The following SALL3 variants were observed in gnomAD, a reference collection of about 807,000 sequenced individuals.
SALL3 encodes sal-like protein 3.
In SALL3, 25 loss-of-function variants were observed where a neutral mutation model predicts 66.2. That is an observed-to-expected ratio of 0.38 (90% confidence interval 0.28 to 0.53). The LOEUF is 0.53. SALL3 is among the 20% of genes least tolerant of loss of function. The pLI, the probability that SALL3 is intolerant of heterozygous loss-of-function variation, is 0.85. For synonymous variants in SALL3, 1,152 were observed against 899.1 expected (o/e 1.28, Z -5.03); for missense variants, 2,194 against 1,916.5 (o/e 1.14, Z -2.70).
At chr18:78,983,889 A>G (rs1914154294) in intron 1 of SALL3, among the ~76,000 whole-genome samples, 1 of 152,236 alleles carries the variant, frequency 6.6e-6, no homozygotes, top group African/African-American at 2.4e-5. Flanking sequence ...TAAAAACAAC[A>G]TTAAAAAACT....
intron 1 of SALL3, among the ~76,000 whole-genome samples, chr18:78,981,186 A>C (rs937468378): frequency 6.6e-6 from 1 of 152,198 alleles, no homozygotes; most frequent in African/African-American, 2.4e-5. Context: ...AAAGGGCTGG[A>C]CTTCCCAGAG....
chr18:78,994,004 C>T lies in SALL3; in HGVS notation c.2013C>T (p.Ile671=), dbSNP rs146449062. The change falls in exon 2 of 3, where the codon ATC becomes ATT. Residue 671 remains isoleucine (I), a synonymous_variant. Coordinates refer to ENST00000537592, the MANE Select transcript of SALL3 (RefSeq NM_171999.4). ...TSKLQQLVEN[I]DKKMTDPNQC... is the part of the protein sequence containing the mutation. ...AGCTGCAGCAGCTGGTGGAGAACAT[C>T]GACAAGAAGATGACGGACCCGAACC... The T allele has an allele frequency of 2.8e-5, 45 of 1,612,352 alleles. No homozygotes were observed. The Middle Eastern group carries it at 4.9e-4, about 18-fold the overall frequency.
Position 78,997,184 on chromosome 18 carries a change from C to T in SALL3, c.3765C>T (p.Ser1255=), listed in dbSNP as rs1187722738. 15 of 1,614,034 alleles carry T rather than the reference C, an allele frequency of 9.3e-6. No individual in the cohort carries two copies. Among genetic ancestry groups the T allele is most frequent in the Non-Finnish European group, 1.3e-5 (15 of 1,180,036 alleles). The change falls in exon 3 of 3, where the codon AGC becomes AGT. Residue 1255 remains serine, a synonymous_variant. Transcript: ENST00000537592. The part of the protein sequence containing the change: ...LGGSALPPLG[S]MASGMDKART... ...GCAGCGCCCTCCCCCCTCTGGGCAG[C>T]ATGGCCAGTGGGATGGACAAAGCAC...
In SALL3 at chr18:78,980,347, C is replaced by T; in HGVS notation, c.73C>T (p.Pro25Ser). 15 of 1,439,152 alleles carry T rather than the reference C, an allele frequency of 1.0e-5. No homozygotes were observed. The highest frequency in any genetic ancestry group is 1.4e-5 in the Non-Finnish European group (15 of 1,090,604). 89.1% of individuals were successfully genotyped at this position (1,439,152 alleles called of 1,614,324 possible). The stretch of plus-strand genomic sequence containing the variant: ...GGAGCTGCTGCCGCCTGACGGGGCT[C>T]CCGAGCACGGTGAGGGCCGGGGCTG... ...DEELLPPDGA[P>S]EHAAPGEGAE... The change falls in exon 1 of 3, where the codon CCC becomes TCC. Residue 25 changes from proline to serine, a missense_variant. By Grantham distance (74) the Pro-to-Ser change is moderately conservative. Coordinates refer to ENST00000537592, the MANE Select transcript of SALL3 (RefSeq NM_171999.4).
At chr18:78,986,196 C>T (rs1914240226) in intron 1 of SALL3, among the ~76,000 whole-genome samples, 2 of 152,220 alleles carry the variant, frequency 1.3e-5, no homozygotes, top group African/African-American at 4.8e-5. Context: ...CGTGTCTCCT[C>T]CCGGGTGCTT....
chr18:78,997,219 G>C lies in SALL3; in HGVS notation c.3800G>C (p.Ser1267Thr), dbSNP rs1344498494. The change falls in exon 3 of 3, where the codon AGT (serine) becomes ACT (threonine). Residue 1267 changes from serine (S) to threonine (T), a missense_variant. Physicochemically the swap from Ser to Thr is moderately conservative, Grantham distance 58. Transcript: ENST00000537592. ...GGGATGGACAAAGCACGCACTGGCAGTAGCCCACCCATCGTCAGCTTGGAC... is the reference window on the plus strand; with the variant it reads ...GGGATGGACAAAGCACGCACTGGCACTAGCCCACCCATCGTCAGCTTGGAC... Reference protein sequence around the residue: ...ASGMDKARTGSSPPIVSLDKA... With the variant: ...ASGMDKARTGTSPPIVSLDKA... The C allele has an allele frequency of 6.2e-7, 1 of 1,613,918 alleles. No homozygotes were observed. Among genetic ancestry groups the C allele is most frequent in the Non-Finnish European group, 8.5e-7 (1 of 1,180,038 alleles).
intron 1 of SALL3, among the ~76,000 whole-genome samples, chr18:78,985,713 C>T (rs977945728): frequency 3.9e-5 from 6 of 152,148 alleles, no homozygotes; most frequent in Non-Finnish European, 5.9e-5. Flanking sequence ...CCCTCTAGAG[C>T]TATTTACATG....
Position 78,998,819 on chromosome 18 carries a change from C to T in SALL3, c.*1497C>T, listed in dbSNP as rs1244417639. The T allele has an allele frequency of 6.6e-6, 1 of 152,270 alleles. No homozygotes were observed. The highest frequency in any genetic ancestry group is 1.9e-4 in the East Asian group (1 of 5,202). 9.4% of individuals were successfully genotyped at this position (152,270 alleles called of 1,614,324 possible). On this transcript the variant is annotated 3_prime_UTR_variant, in exon 3 of 3. Coordinates refer to ENST00000537592, the MANE Select transcript of SALL3 (RefSeq NM_171999.4). Reference sequence around the variant, plus strand: ...GTCCTCTGATTTTTCAGAACACAGCCTGACGCTGATGGCTGAGCTGCATCC... The same window carrying T: ...GTCCTCTGATTTTTCAGAACACAGCTTGACGCTGATGGCTGAGCTGCATCC...
Position 78,993,876 on chromosome 18 carries a change from A to C in SALL3, c.1885A>C (p.Thr629Pro). ...ACCCACATCGGTGGACGGCGCACCC[A>C]CGAGCCTCGGCAGCCCCGGGCTGCC... ...AAPTSVDGAP[T>P]SLGSPGLPAV... Residue 629 changes from threonine (T) to proline (P), a missense_variant, in exon 2 of 3, where the codon ACG becomes CCG. By Grantham distance (38) the Thr-to-Pro change is conservative. Transcript: ENST00000537592. 6.4e-7 allele frequency: 1 copy of C among 1,569,860 alleles called. No homozygotes were observed. The highest frequency in any genetic ancestry group is 1.2e-5 in the South Asian group (1 of 85,948).
Position 78,980,264 on chromosome 18 carries a change from C to CCGCTAG in SALL3, c.-9_-4dup, listed in dbSNP as rs1382749445. ...CGCTGCCCCGCGCGGGGCCCGAGCG[C>CCGCTAG]CGCTAGCAGCATGTCTCGGCGCAAG... On this transcript the variant is annotated 5_prime_UTR_variant, in exon 1 of 3. Coordinates refer to ENST00000537592, the MANE Select transcript of SALL3 (RefSeq NM_171999.4). 1.3e-5 allele frequency: 17 copies of CCGCTAG among 1,324,684 alleles called. No individual in the cohort carries two copies. Among genetic ancestry groups the CCGCTAG allele is most frequent in the Non-Finnish European group, 1.6e-5 (16 of 1,022,056 alleles). The allele number at this position is 1,324,684 out of a possible 1,614,324, so 82.1% of individuals were successfully genotyped here.
At chr18:78,980,793 G>C (rs1914025672) in intron 1 of SALL3, among the ~76,000 whole-genome samples, 1 of 152,056 alleles carries the variant, frequency 6.6e-6, no homozygotes, top group Admixed American at 6.5e-5. Flanking sequence ...CCCGCCGCCC[G>C]GCCAGCTTTG....
intron 1 of SALL3, among the ~76,000 whole-genome samples, chr18:78,981,768 T>A (rs1291930208): frequency 2.0e-5 from 3 of 150,272 alleles, no homozygotes; most frequent in Non-Finnish European, 4.5e-5. Flanking sequence ...TGGAAATGGA[T>A]TTTTTTTTGT....
rs1226930816 is a variant in SALL3, at chr18:78,985,554, A to G, written c.82+5198A>G. On this transcript the variant is annotated intron_variant, in intron 1 of 2. Transcript: ENST00000537592. Reference sequence around the variant, plus strand: ...TGGCTTTTCCAGGATGATTTTTTGCATATGTGCAAACTTTGCCTGTAGAAA... The same window carrying G: ...TGGCTTTTCCAGGATGATTTTTTGCGTATGTGCAAACTTTGCCTGTAGAAA... 3.9e-5 allele frequency among the ~76,000 whole-genome samples: 6 copies of G among 152,084 alleles called. No individual in the cohort carries two copies. The East Asian group carries it at 9.6e-4, about 24-fold the overall frequency.
At position 78,984,039 on chromosome 18, in the gene SALL3, C is replaced by T. The variant is rs1471343884; in HGVS notation, c.82+3683C>T. ...ACGTTTTCAACTTCCATGGCATATG[C>T]ATTATCCAATATTTTTAGATCTGTT... On this transcript the variant is annotated intron_variant, in intron 1 of 2. Transcript: ENST00000537592. Among the ~76,000 whole-genome samples the T allele has an allele frequency of 3.9e-5, 6 of 152,320 alleles. No individual in the cohort carries two copies. The East Asian group carries it at 1.2e-3, about 29-fold the overall frequency.
In SALL3 at chr18:78,992,716, T is replaced by C; in HGVS notation, c.725T>C (p.Leu242Pro). 3 of 1,464,458 alleles carry C rather than the reference T, an allele frequency of 2.0e-6. No homozygotes were observed. The highest frequency in any genetic ancestry group is 1.2e-5 in the South Asian group (1 of 81,776). 90.7% of individuals were successfully genotyped at this position (1,464,458 alleles called of 1,614,324 possible). A position where few individuals can be genotyped will look rare whatever the true frequency, so the allele number is the denominator to read the frequency against. Residue 242 changes from leucine (L) to proline (P), a missense_variant, in exon 2 of 3, where the codon CTC becomes CCC. By Grantham distance (98) the Leu-to-Pro change is moderately conservative. Transcript: ENST00000537592. ...CAGCGCCCGCCGCCGCGGCCCTCACTCAGCCCCGCGGCCGCCCCGAGCGCA... is the reference window on the plus strand; with the variant it reads ...CAGCGCCCGCCGCCGCGGCCCTCACCCAGCCCCGCGGCCGCCCCGAGCGCA... ...LMQRPPPRPS[L>P]SPAAAPSAPG...
chr18:78,991,387 G>A (rs977131155), intron 1 of SALL3, among the ~76,000 whole-genome samples: 2 of 117,240 alleles, frequency 1.7e-5, no homozygotes, highest in African/African-American at 6.2e-5. Flanking sequence ...CAAGGGTGGG[G>A]GGGGGGGAAC....
intron 1 of SALL3, among the ~76,000 whole-genome samples, chr18:78,984,359 A>G (rs1023839883): frequency 5.9e-5 from 9 of 152,212 alleles, no homozygotes; most frequent in African/African-American, 2.2e-4. Context: ...TTTCACTTCT[A>G]ATGAGGATAT....
chr18:78,996,040 A>G (rs1353940429), intron 2 of SALL3, among the ~76,000 whole-genome samples: 8 of 152,142 alleles, frequency 5.3e-5, no homozygotes, highest in Admixed American at 3.9e-4. Flanking sequence ...TAAAACTCAC[A>G]TGTAATACAA....
Position 78,997,566 on chromosome 18 carries a change from C to T in SALL3, c.*244C>T. ...TTCAAAAAAAAAAGTGCTTGGAAAACCGCCTTAGGAACAGAAAGAGCTCAG... is the reference window on the plus strand; with the variant it reads ...TTCAAAAAAAAAAGTGCTTGGAAAATCGCCTTAGGAACAGAAAGAGCTCAG... On this transcript the variant is annotated 3_prime_UTR_variant, in exon 3 of 3. Transcript: ENST00000537592. 1.9e-6 allele frequency: 1 copy of T among 534,962 alleles called. No homozygotes were observed. Among genetic ancestry groups the T allele is most frequent in the Non-Finnish European group, 3.3e-6 (1 of 304,554 alleles). The allele number at this position is 534,962 out of a possible 1,614,324, so 33.1% of individuals were successfully genotyped here.
Sources: allele counts gnomAD v4.1 joint callset (sites outside exome capture counted in the v4.1 genomes callset), GRCh38; gene constraint gnomAD v4.1.1; transcripts MANE v1.5; gene names NCBI Gene and HGNC (gene_info 2026-07-23, HGNC 2026-07-21).